Variants in PTPRK observed in about 807,000 individuals in gnomAD.
PTPRK encodes the protein protein tyrosine phosphatase receptor type K, also known as receptor-type tyrosine-protein phosphatase kappa.
PTPRK carries 75 observed loss-of-function variants against 178.0 expected under a neutral mutation model. The ratio of observed to expected loss-of-function variants is 0.42; its 90% CI spans 0.35 to 0.51. PTPRK has a LOEUF of 0.51. Ranked by LOEUF, PTPRK falls within the 20% of genes least tolerant of loss-of-function variation. The pLI is 0.02. For missense variants in PTPRK, 1,441 were observed against 1,797.8 expected (o/e 0.80, Z 3.59); for synonymous variants, 637 against 620.6 (o/e 1.03, Z -0.39).
intron 1 of PTPRK, among the ~76,000 whole-genome samples, chr6:128,443,421 G>A (rs536828547): frequency 3.9e-5 from 6 of 152,026 alleles, no homozygotes; most frequent in African/African-American, 1.4e-4. Context: ...GAGAGGAAAG[G>A]GGAAAGAGGA....
intron 7 of PTPRK, among the ~76,000 whole-genome samples, chr6:128,179,908 T>C (rs1056489450): frequency 6.0e-4 from 91 of 152,216 alleles, no homozygotes; most frequent in African/African-American, 2.1e-3. Context: ...TTTTAGTAAA[T>C]GCTTACTTTT....
intron 7 of PTPRK, among the ~76,000 whole-genome samples, chr6:128,150,847 G>A (rs1562680155): frequency 1.3e-5 from 2 of 152,070 alleles, no homozygotes; most frequent in African/African-American, 4.8e-5. Flanking sequence ...ATAGGAGGAT[G>A]AAAATGTTCT....
chr6:128,180,439 T>C (rs1008575365), intron 7 of PTPRK, among the ~76,000 whole-genome samples: 1 of 152,068 alleles, frequency 6.6e-6, no homozygotes, highest in African/African-American at 2.4e-5. Flanking sequence ...GAGTATAAAG[T>C]AACAGCGAAA....
At chr6:128,410,268 T>C (rs748471925) in intron 1 of PTPRK, among the ~76,000 whole-genome samples, 1 of 152,216 alleles carries the variant, frequency 6.6e-6, no homozygotes. Flanking sequence ...AGGACTGCTG[T>C]ATCTAGAAGG....
intron 5 of PTPRK, among the ~76,000 whole-genome samples, chr6:128,236,032 A>T (rs1172727167): frequency 6.6e-6 from 1 of 152,170 alleles, no homozygotes; most frequent in Admixed American, 6.5e-5. Flanking sequence ...TATTAATTAA[A>T]CTTGATCATA....
chr6:128,335,012 C>A (rs2128327665), intron 2 of PTPRK, among the ~76,000 whole-genome samples: 1 of 152,218 alleles, frequency 6.6e-6, no homozygotes, highest in Admixed American at 6.5e-5. Context: ...CGTTTGAACC[C>A]AGGAGGCGAA....
At chr6:128,234,365 TA>T (rs1304581920) in intron 5 of PTPRK, among the ~76,000 whole-genome samples, 5 of 152,192 alleles carry the variant, frequency 3.3e-5, no homozygotes, top group African/African-American at 4.8e-5. Flanking sequence ...ACATAATTAG[TA>T]AATTGGACAG....
intron 7 of PTPRK, among the ~76,000 whole-genome samples, chr6:128,154,850 A>G (rs1204020142): frequency 6.6e-6 from 1 of 151,838 alleles, no homozygotes; most frequent in Non-Finnish European, 1.5e-5. Flanking sequence ...TTAAACATAC[A>G]GAAAAGTAGA....
chr6:128,032,749 A>C (rs1467718685), intron 13 of PTPRK, among the ~76,000 whole-genome samples: 1 of 152,136 alleles, frequency 6.6e-6, no homozygotes, highest in East Asian at 1.9e-4. Flanking sequence ...GATCAATAAC[A>C]TGAAGAAAGG....
intron 1 of PTPRK, among the ~76,000 whole-genome samples, chr6:128,493,251 C>T (rs1854094695): frequency 6.6e-6 from 1 of 152,112 alleles, no homozygotes; most frequent in Non-Finnish European, 1.5e-5. Context: ...ACGAACATCT[C>T]AAGCCCAGTC....
At chr6:128,321,576 A>G in intron 3 of PTPRK, 1 of 516,336 alleles carries the variant, frequency 1.9e-6, no homozygotes. Flanking sequence ...CCCCCTTAAC[A>G]TAGTTCATGA....
intron 5 of PTPRK, among the ~76,000 whole-genome samples, chr6:128,227,364 C>T (rs922095260): frequency 1.3e-5 from 2 of 152,088 alleles, no homozygotes; most frequent in African/African-American, 2.4e-5. Flanking sequence ...ATGGCAGTAG[C>T]GTAGTTTTTT....
At chr6:128,127,731 A>G (rs983767976) in intron 7 of PTPRK, among the ~76,000 whole-genome samples, 2 of 152,222 alleles carry the variant, frequency 1.3e-5, no homozygotes, top group South Asian at 4.1e-4. Flanking sequence ...GACTAAGCAG[A>G]ATATTGACAT....
At chr6:128,214,649 C>T (rs187200955) in intron 6 of PTPRK, among the ~76,000 whole-genome samples, 29 of 151,962 alleles carry the variant, frequency 1.9e-4, no homozygotes, top group Non-Finnish European at 4.4e-5. Flanking sequence ...TATTTCTCTC[C>T]TAAGACTAGG....
intron 13 of PTPRK, among the ~76,000 whole-genome samples, chr6:128,018,795 A>G (rs1300215587): frequency 2.0e-5 from 3 of 152,170 alleles, no homozygotes; most frequent in East Asian, 1.9e-4. Flanking sequence ...TCACAGAAGC[A>G]GCATTAGATG....
Position 127,981,165 on chromosome 6 carries a change from A to C in PTPRK, c.3662T>G (p.Ile1221Ser). The C allele has an allele frequency of 6.2e-7, 1 of 1,614,040 alleles. No homozygotes were observed. Among genetic ancestry groups the C allele is most frequent in the South Asian group, 1.1e-5 (1 of 91,084 alleles). The part of the protein sequence containing the change: ...LPPDRCLPFL[I>S]TIDGESSNYI... ...GTTACTGCTCTCCCCATCAATTGTA[A>C]TTAAAAAAGGCAGACATCTGTCAGG... Residue 1221 changes from isoleucine (I) to serine (S), a missense_variant, in exon 25 of 30, where the codon ATT (isoleucine) becomes AGT (serine). Ile to Ser is a moderately radical substitution (Grantham distance 142). This residue lies in a region of PTPRK where 335 missense variants were observed against 512.4 expected (regional missense o/e 0.65). Coordinates refer to ENST00000368226, the MANE Select transcript of PTPRK (RefSeq NM_002844.4).
intron 1 of PTPRK, among the ~76,000 whole-genome samples, chr6:128,475,262 T>C (rs2128420706): frequency 6.6e-6 from 1 of 152,200 alleles, no homozygotes; most frequent in Non-Finnish European, 1.5e-5. Flanking sequence ...TTATACAATA[T>C]AATATTTTTA....
intron 11 of PTPRK, among the ~76,000 whole-genome samples, chr6:128,077,646 G>T (rs1784078984): frequency 6.6e-6 from 1 of 151,960 alleles, no homozygotes. Flanking sequence ...CAATTATGAA[G>T]TGCCTACGTG....
intron 6 of PTPRK, among the ~76,000 whole-genome samples, chr6:128,201,595 A>T (rs79642761): frequency 0.021 from 3,213 of 152,258 alleles, 67 homozygotes; most frequent in African/African-American, 0.054. Context: ...GTGACGGCTC[A>T]TGCGTGTAAT....
Sources: allele counts gnomAD v4.1 joint callset (sites outside exome capture counted in the v4.1 genomes callset), GRCh38; gene constraint gnomAD v4.1.1; regional missense constraint gnomAD v4.1.1; transcripts MANE v1.5; gene names NCBI Gene and HGNC (gene_info 2026-07-23, HGNC 2026-07-21).